KDM2B: variants seen among roughly 807,000 people sequenced by gnomAD.
KDM2B encodes the protein lysine demethylase 2B.
KDM2B carries 26 observed loss-of-function variants against 150.0 expected under a neutral mutation model. That is an observed-to-expected ratio of 0.17 (90% confidence interval 0.13 to 0.24). The LOEUF (loss-of-function observed/expected upper bound fraction) is 0.24, where lower values mean the gene tolerates loss of function less well. Ranked by LOEUF, KDM2B falls within the 10% of genes least tolerant of loss-of-function variation. The probability of loss-of-function intolerance (pLI) is 1.00; values close to 1 mark genes in which losing one functional copy is unlikely to be tolerated. For synonymous variants in KDM2B, 734 were observed against 729.5 expected (o/e 1.01, Z -0.10); for missense variants, 1,265 against 1,816.9 (o/e 0.70, Z 5.52).
chr12:121,574,010 T>C (rs1241970838), intron 4 of KDM2B, among the ~76,000 whole-genome samples: 1 of 152,140 alleles, frequency 6.6e-6, no homozygotes, highest in Non-Finnish European at 1.5e-5. Context: ...AATAGATTGA[T>C]TGAACAACTG....
chr12:121,423,879 ACACT>A, the KDM2B span: 2 of 308,250 alleles, frequency 6.5e-6, no homozygotes, highest in Non-Finnish European at 1.2e-5. This position sits in a 1 kb window ranked among gnomAD's most constrained non-coding sequence, Gnocchi z 4.3. Flanking sequence ...TCTTGGGAGG[ACACT>A]TATCCTGTTC....
rs143591299 is a variant in KDM2B, at chr12:121,510,298, G to C, written c.1175-259C>G. Among the ~76,000 whole-genome samples, 1,038 of 152,318 alleles carry C rather than the reference G, an allele frequency of 6.8e-3. 9 individuals are homozygous for C. Among genetic ancestry groups the C allele is most frequent in the African/African-American group, 0.024 (1,005 of 41,582 alleles). On this transcript the variant is annotated intron_variant, in intron 10 of 22. Transcript: ENST00000377071. Reference sequence around the variant, plus strand: ...CTGGCACTTTATTTATTTATATAAAGACAGTCTTGCTCAGTTGCCGAGGCT... The same window carrying C: ...CTGGCACTTTATTTATTTATATAAACACAGTCTTGCTCAGTTGCCGAGGCT...
Position 121,578,902 on chromosome 12 carries a change from C to A in KDM2B, c.171G>T (p.Ser57=), listed in dbSNP as rs373972707. 70 of 1,612,938 alleles carry A rather than the reference C, an allele frequency of 4.3e-5. No homozygotes were observed. The highest frequency in any genetic ancestry group is 5.5e-5 in the Non-Finnish European group (65 of 1,179,706). Residue 57 remains serine (S), a synonymous_variant, in exon 2 of 23, where the codon TCG becomes TCT. Coordinates refer to ENST00000377071, the MANE Select transcript of KDM2B (RefSeq NM_032590.5). ...RQRYDENEDL[S]DVEEIVSVRG... is the part of the protein sequence containing the mutation. ...GGACGCTGACGATCTCCTCCACGTC[C>A]GACAAGTCCTCGTTCTCGTCGTATC...
upstream of KDM2B, chr12:121,581,107 T>G: frequency 1.5e-6 from 1 of 646,794 alleles, no homozygotes; most frequent in Non-Finnish European, 2.4e-6. Flanking sequence ...TGCCCGCCTC[T>G]GTGGACTCCT....
intron 4 of KDM2B, among the ~76,000 whole-genome samples, chr12:121,566,217 G>A (rs1396357198): frequency 2.0e-5 from 3 of 152,104 alleles, no homozygotes; most frequent in Admixed American, 6.6e-5. Flanking sequence ...TAGGCCAGGC[G>A]TGGTGGCTCA....
At chr12:121,539,845 T>C (rs1555309448) in intron 6 of KDM2B, among the ~76,000 whole-genome samples, 1 of 152,048 alleles carries the variant, frequency 6.6e-6, no homozygotes. Context: ...GTTTAAGAGA[T>C]TCTCATGCCT....
chr12:121,433,317 G>GGCCCGCCT (rs1873384205), intron 22 of KDM2B: 2 of 396,842 alleles, frequency 5.0e-6, no homozygotes, highest in East Asian at 7.5e-5. Context: ...TGGCGCGTGG[G>GGCCCGCCT]GCCCGCCTGC....
chr12:121,476,795 C>T (rs1164173893), intron 12 of KDM2B, among the ~76,000 whole-genome samples: 6 of 152,134 alleles, frequency 3.9e-5, no homozygotes, highest in Non-Finnish European at 1.5e-5. Flanking sequence ...TCTTGTTCTT[C>T]ATTTCATGGA....
the KDM2B span, chr12:121,423,386 A>G: frequency 1.2e-6 from 2 of 1,601,480 alleles, no homozygotes; most frequent in Non-Finnish European, 1.7e-6. The surrounding 1 kb of genome is among the most constrained non-coding windows in gnomAD (Gnocchi z 4.3). Flanking sequence ...TGCCTTTCAG[A>G]TGGCGAGCGG....
intron 8 of KDM2B, among the ~76,000 whole-genome samples, chr12:121,522,331 C>A (rs566781878): frequency 6.7e-6 from 1 of 148,172 alleles, no homozygotes; most frequent in Non-Finnish European, 1.5e-5. Context: ...GCCTGACCAA[C>A]ATGGAGAAAC....
At chr12:121,550,893 T>C (rs1555311697) in intron 4 of KDM2B, among the ~76,000 whole-genome samples, 4 of 152,152 alleles carry the variant, frequency 2.6e-5, no homozygotes, top group African/African-American at 7.2e-5. Context: ...TTTTGTGATA[T>C]GAAAACTATA....
At chr12:121,492,626 T>C (rs1458992966) in intron 12 of KDM2B, among the ~76,000 whole-genome samples, 2 of 151,492 alleles carry the variant, frequency 1.3e-5, no homozygotes, top group South Asian at 2.1e-4. Flanking sequence ...GTGTTTGAAA[T>C]TGACCAGACT....
intron 7 of KDM2B, among the ~76,000 whole-genome samples, chr12:121,534,159 C>T (rs375940066): frequency 1.5e-4 from 23 of 152,120 alleles, no homozygotes; most frequent in East Asian, 3.9e-4. Flanking sequence ...ACCATCCTGG[C>T]TAACACGGTG....
chr12:121,575,406 T>C lies in KDM2B; in HGVS notation c.350+375A>G, dbSNP rs1891434623. Among the ~76,000 whole-genome samples, 2 of 152,212 alleles carry C rather than the reference T, an allele frequency of 1.3e-5. No individual in the cohort carries two copies. The highest frequency in any genetic ancestry group is 4.8e-5 in the African/African-American group (2 of 41,452). ...AACATGTATCTAGGTGCCCTGGGTC[T>C]GGGCTTAGAGGCTGGCTAGTCTCTT... is the stretch of plus-strand genomic sequence containing the variant. On this transcript the variant is annotated intron_variant, in intron 3 of 22. Transcript: ENST00000377071. This position sits in a 1 kb window ranked among gnomAD's most constrained non-coding sequence, Gnocchi z 4.4.
intron 4 of KDM2B, among the ~76,000 whole-genome samples, chr12:121,569,148 G>A (rs1389126520): frequency 2.0e-5 from 3 of 152,194 alleles, no homozygotes; most frequent in Non-Finnish European, 4.4e-5. Flanking sequence ...AGACTCTCAC[G>A]TCTGTTAGGG....
the KDM2B span, among the ~76,000 whole-genome samples, chr12:121,413,143 G>C: frequency 2.1e-3 from 318 of 149,752 alleles, 3 homozygotes; most frequent in African/African-American, 7.5e-3. Flanking sequence ...CTCCTGCCTC[G>C]GCCTTCCAAG....
chr12:121,549,785 A>G lies in KDM2B; in HGVS notation c.398-147T>C. 2 of 666,602 alleles carry G rather than the reference A, an allele frequency of 3.0e-6. No individual in the cohort carries two copies. Among genetic ancestry groups the G allele is most frequent in the Non-Finnish European group, 4.7e-6 (2 of 425,614 alleles). The allele number at this position is 666,602 out of a possible 1,614,324, so 41.3% of individuals were successfully genotyped here. A position where few individuals can be genotyped will look rare whatever the true frequency, so the allele number is the denominator to read the frequency against. On this transcript the variant is annotated intron_variant, in intron 4 of 22. Transcript: ENST00000377071. The surrounding 1 kb of genome is among the most constrained non-coding windows in gnomAD (Gnocchi z 4.4). ...CTCATCTGTTCAATTACCTCACCCCATCGGCTTTCCTTCTGGGATCTGTCT... is the reference window on the plus strand; with the variant it reads ...CTCATCTGTTCAATTACCTCACCCCGTCGGCTTTCCTTCTGGGATCTGTCT...
chr12:121,529,579 G>A (rs1887450299), intron 8 of KDM2B, among the ~76,000 whole-genome samples: 4 of 152,166 alleles, frequency 2.6e-5, no homozygotes, highest in South Asian at 4.1e-4. Flanking sequence ...GTGTCTGTAC[G>A]TGGCTCAGAG....
At chr12:121,459,863 G>A (rs1878851322) in intron 12 of KDM2B, among the ~76,000 whole-genome samples, 1 of 151,538 alleles carries the variant, frequency 6.6e-6, no homozygotes, top group African/African-American at 2.4e-5. Context: ...GTGCTTTAAA[G>A]GGCACTATCA....
Sources: allele counts gnomAD v4.1 joint callset (sites outside exome capture counted in the v4.1 genomes callset), GRCh38; gene constraint gnomAD v4.1.1; non-coding constraint Gnocchi (gnomAD v3.1); transcripts MANE v1.5; gene names NCBI Gene and HGNC (gene_info 2026-07-23, HGNC 2026-07-21).